The following GPHN variants were observed in gnomAD, a reference collection of about 807,000 sequenced individuals.
GPHN encodes the protein gephyrin.
Under a neutral mutation model 95.5 loss-of-function variants are expected in GPHN, and 17 were observed. The ratio of observed to expected loss-of-function variants is 0.18; its 90% CI spans 0.12 to 0.27. The LOEUF is 0.27. Among genes scored for constraint, GPHN ranks in the 10% least tolerant of loss-of-function variants. The pLI is 1.00. For missense variants in GPHN, 660 were observed against 978.1 expected (o/e 0.67, Z 4.34); for synonymous variants, 320 against 322.5 (o/e 0.99, Z 0.08).
intron 2 of GPHN, among the ~76,000 whole-genome samples, chr14:66,736,548 A>C (rs1387251887): frequency 6.6e-6 from 1 of 151,482 alleles, no homozygotes; most frequent in Non-Finnish European, 1.5e-5. Flanking sequence ...ACAGGTGAGC[A>C]CCACCACACC....
At chr14:66,925,585 ATGT>A (rs2066443683) in intron 8 of GPHN, among the ~76,000 whole-genome samples, 1 of 152,146 alleles carries the variant, frequency 6.6e-6, no homozygotes, top group African/African-American at 2.4e-5. Context: ...AGTTCCATCC[ATGT>A]TGTTGCAAAT....
At chr14:66,865,659 C>T (rs7160476) in intron 4 of GPHN, among the ~76,000 whole-genome samples, 37,431 of 151,970 alleles carry the variant, frequency 0.25, 9,495 homozygotes, top group African/African-American at 0.62. Context: ...TTCCATCTAT[C>T]GCATTTATTG....
chr14:66,899,749 G>C (rs1030717520), intron 5 of GPHN, among the ~76,000 whole-genome samples: 1 of 151,654 alleles, frequency 6.6e-6, no homozygotes, highest in Non-Finnish European at 1.5e-5. Flanking sequence ...ATCTTCATCT[G>C]ATTTTGGTAT....
chr14:66,842,593 A>G (rs1050633790), intron 4 of GPHN: 1 of 887,092 alleles, frequency 1.1e-6, no homozygotes, highest in Non-Finnish European at 1.8e-6. Context: ...ATTTCCCTGA[A>G]CCAGTTTGTA....
intron 11 of GPHN, among the ~76,000 whole-genome samples, chr14:67,074,465 C>CA (rs1386974520): frequency 1.3e-5 from 2 of 152,068 alleles, no homozygotes; most frequent in East Asian, 1.9e-4. Context: ...ACTGTTTTGC[C>CA]AATTGGCTGT....
the GPHN span, among the ~76,000 whole-genome samples, chr14:67,415,878 C>T: frequency 3.6e-4 from 55 of 152,304 alleles, no homozygotes; most frequent in Non-Finnish European, 6.8e-4. Flanking sequence ...AACACAGGAA[C>T]AGAAAACCAA....
At chr14:66,665,914 T>G (rs896189321) in intron 1 of GPHN, among the ~76,000 whole-genome samples, 1 of 152,106 alleles carries the variant, frequency 6.6e-6, no homozygotes, top group Non-Finnish European at 1.5e-5. Flanking sequence ...TGGAATACTA[T>G]GCAGCCATAA....
At chr14:66,985,669 T>C in intron 9 of GPHN, 1 of 1,516,242 alleles carries the variant, frequency 6.6e-7, no homozygotes, top group Non-Finnish European at 8.9e-7. Context: ...TTACCCATCT[T>C]CCCTCATTGT....
At chr14:66,924,846 T>C (rs1242680060) in intron 8 of GPHN, among the ~76,000 whole-genome samples, 1 of 152,034 alleles carries the variant, frequency 6.6e-6, no homozygotes, top group Admixed American at 6.6e-5. Flanking sequence ...GTTTATTCAG[T>C]CAGTGGCTGA....
chr14:67,155,786 A>C (rs541386437), intron 18 of GPHN, among the ~76,000 whole-genome samples: 5 of 152,250 alleles, frequency 3.3e-5, no homozygotes, highest in Admixed American at 3.3e-4. Flanking sequence ...AGCTCTACTA[A>C]TCTCGAGCCG....
At chr14:67,534,832 C>A in the GPHN span, among the ~76,000 whole-genome samples, 3 of 151,942 alleles carry the variant, frequency 2.0e-5, no homozygotes, top group African/African-American at 7.3e-5. Context: ...TTAAAGTGTA[C>A]ATCATTTACC....
At chr14:66,622,326 C>T (rs1024959652) in intron 1 of GPHN, among the ~76,000 whole-genome samples, 12 of 152,194 alleles carry the variant, frequency 7.9e-5, no homozygotes, top group South Asian at 2.1e-4. Flanking sequence ...ACCCTTGGCC[C>T]GGCCCACAAA....
intron 3 of GPHN, among the ~76,000 whole-genome samples, chr14:66,817,856 AGCCATACCATGACTTATT>A (rs1033290321): frequency 3.3e-5 from 5 of 152,164 alleles, no homozygotes; most frequent in Non-Finnish European, 7.4e-5. Context: ...GCTTCAGAAC[AGCCATACCATGACTTATT>A]GCCCCATTCC....
At chr14:67,345,888 G>A in the GPHN span, 4 of 1,536,192 alleles carry the variant, frequency 2.6e-6, no homozygotes, top group Non-Finnish European at 3.6e-6. Context: ...GGACCAGTCA[G>A]ACAACATTTT....
chr14:67,166,169 C>T (rs1012703887), intron 20 of GPHN, among the ~76,000 whole-genome samples: 1 of 152,104 alleles, frequency 6.6e-6, no homozygotes, highest in African/African-American at 2.4e-5. Context: ...TTTTAAGCCC[C>T]TATCTATAAG....
At chr14:67,140,813 T>A (rs1357799426) in intron 17 of GPHN, among the ~76,000 whole-genome samples, 1 of 152,216 alleles carries the variant, frequency 6.6e-6, no homozygotes, top group Non-Finnish European at 1.5e-5. Context: ...GTGTAGTATT[T>A]CAATACAACA....
the GPHN span, among the ~76,000 whole-genome samples, chr14:67,396,291 A>G: frequency 0.19 from 26,060 of 135,160 alleles, 294 homozygotes; most frequent in African/African-American, 0.41. Flanking sequence ...GGGACTACAG[A>G]CGCCCACCAC....
the GPHN span, among the ~76,000 whole-genome samples, chr14:67,441,696 A>G: frequency 6.7e-6 from 1 of 148,538 alleles, no homozygotes; most frequent in Non-Finnish European, 1.5e-5. Flanking sequence ...GGCCTCATCC[A>G]ATCTGTTGGA....
At chr14:66,676,851 T>C (rs890645921) in intron 1 of GPHN, among the ~76,000 whole-genome samples, 1 of 152,004 alleles carries the variant, frequency 6.6e-6, no homozygotes, top group Non-Finnish European at 1.5e-5. Flanking sequence ...AGGAAGAATT[T>C]CCACCTTTTT....
Sources: allele counts gnomAD v4.1 joint callset (sites outside exome capture counted in the v4.1 genomes callset), GRCh38; gene constraint gnomAD v4.1.1; transcripts MANE v1.5; gene names NCBI Gene and HGNC (gene_info 2026-07-23, HGNC 2026-07-21).